ESCO2: variants seen among roughly 807,000 people sequenced by gnomAD.
The protein encoded by ESCO2 is N-acetyltransferase ESCO2.
In ESCO2, 51 loss-of-function variants were observed where a neutral mutation model predicts 61.7. The observed-to-expected ratio is 0.83, with a 90% confidence interval of 0.66 to 1.04. The LOEUF (loss-of-function observed/expected upper bound fraction) is 1.04. Ranked by LOEUF, ESCO2 falls within the 50% of genes least tolerant of loss-of-function variation. The probability of loss-of-function intolerance (pLI) is 0.00; values close to 1 mark genes in which losing one functional copy is unlikely to be tolerated. For missense variants in ESCO2, 692 were observed against 686.2 expected (o/e 1.01, Z -0.09); for synonymous variants, 230 against 238.2 (o/e 0.97, Z 0.32).
intron 7 of ESCO2, among the ~76,000 whole-genome samples, chr8:27,791,487 C>T (rs1585402848): frequency 1.3e-5 from 2 of 152,192 alleles, no homozygotes; most frequent in Admixed American, 1.3e-4. Context: ...CATGCCAAAG[C>T]ACTATGCTGG....
chr8:27,776,329 A>T, intron 2 of ESCO2, 33 bp from the exon 3 acceptor site: 1 of 1,560,848 alleles, frequency 6.4e-7, no homozygotes. Context: ...GACGCAAAAT[A>T]ATCTTATCAA....
chr8:27,801,781 T>C (rs1278455818), intron 10 of ESCO2, among the ~76,000 whole-genome samples: 1 of 152,066 alleles, frequency 6.6e-6, no homozygotes, highest in Non-Finnish European at 1.5e-5. Flanking sequence ...CCTTCCTGAA[T>C]TATTTTGTTA....
At chr8:27,803,242 G>A (rs1805489933) in intron 10 of ESCO2, 64 bp from the exon 11 acceptor site, 21 of 1,416,444 alleles carry the variant, frequency 1.5e-5, no homozygotes, top group Non-Finnish European at 2.1e-5. Context: ...TACTTAAATT[G>A]TGCTCATGTT....
intron 7 of ESCO2, among the ~76,000 whole-genome samples, chr8:27,789,403 A>T (rs1261255466): frequency 6.6e-6 from 1 of 152,170 alleles, no homozygotes; most frequent in African/African-American, 2.4e-5. Context: ...GCCACGGTTA[A>T]TGCCTTCACA....
At chr8:27,802,654 T>TA (rs1805471659) in intron 10 of ESCO2, among the ~76,000 whole-genome samples, 7 of 69,882 alleles carry the variant, frequency 1.0e-4, no homozygotes, top group African/African-American at 4.0e-4. Context: ...TATATATATA[T>TA]ATTATATATA....
At chr8:27,805,742 C>G (rs567012975), downstream of ESCO2, among the ~76,000 whole-genome samples, 5 of 152,246 alleles carry the variant, frequency 3.3e-5, no homozygotes, top group East Asian at 9.6e-4. Flanking sequence ...CCCTAAGTAG[C>G]TGGGACTACA....
At chr8:27,797,394 TC>T (rs1275710768) in intron 9 of ESCO2, among the ~76,000 whole-genome samples, 1 of 152,204 alleles carries the variant, frequency 6.6e-6, no homozygotes, top group African/African-American at 2.4e-5. Context: ...TGTAGGTACT[TC>T]CTGTTCTCTT....
At chr8:27,807,692 T>C (rs1023758119), downstream of ESCO2, among the ~76,000 whole-genome samples, 1 of 152,236 alleles carries the variant, frequency 6.6e-6, no homozygotes, top group Non-Finnish European at 1.5e-5. Flanking sequence ...AGGTTTGTTT[T>C]CTATTTCCTG....
At chr8:27,772,466 G>A (rs909680467), upstream of ESCO2, 3 of 1,542,782 alleles carry the variant, frequency 1.9e-6, no homozygotes, top group African/African-American at 4.1e-5. Flanking sequence ...TCCCGGCTTC[G>A]GAGCCCGCTG....
chr8:27,803,939 CTG>C lies in ESCO2; in HGVS notation c.*505_*506del, dbSNP rs374900624. 1,716 of 990,864 alleles carry C rather than the reference CTG, an allele frequency of 1.7e-3. 25 individuals carry two copies. The African/African-American group carries it at 0.028, about 16-fold the overall frequency. 61.4% of individuals were successfully genotyped at this position (990,864 alleles called of 1,614,324 possible). On this transcript the variant is annotated 3_prime_UTR_variant, in exon 11 of 11. Transcript: ENST00000305188. Reference sequence around the variant, plus strand: ...TTTTTTAATAGAGGCATGGGTCTCACTGTGTTGCCCAGGCTGGTCTGAAACTT... The same window carrying C: ...TTTTTTAATAGAGGCATGGGTCTCACTGTTGCCCAGGCTGGTCTGAAACTT...
intron 6 of ESCO2, 140 bp from the exon 7 acceptor site, chr8:27,788,707 C>A (rs1374404302): frequency 1.6e-5 from 16 of 1,013,122 alleles, no homozygotes; most frequent in Non-Finnish European, 2.4e-5. Flanking sequence ...ATATGGTAAC[C>A]AGATTTTCAT....
At chr8:27,773,307 T>A (rs995822588), upstream of ESCO2, among the ~76,000 whole-genome samples, 1 of 152,200 alleles carries the variant, frequency 6.6e-6, no homozygotes, top group Non-Finnish European at 1.5e-5. Context: ...CCCTATAGTT[T>A]AACAATGTCT....
intron 3 of ESCO2, chr8:27,777,473 A>G: frequency 4.7e-6 from 1 of 214,726 alleles, no homozygotes; most frequent in South Asian, 7.0e-5. Context: ...TAATTCTTGC[A>G]TTTTTTGTAG....
intron 9 of ESCO2, among the ~76,000 whole-genome samples, 164 bp downstream of exon 9, chr8:27,792,975 G>A (rs1323432003): frequency 6.6e-6 from 1 of 152,090 alleles, no homozygotes; most frequent in Non-Finnish European, 1.5e-5. Context: ...ATTAATATTT[G>A]GAATTTTGCT....
At chr8:27,800,263 A>G (rs535571020) in intron 10 of ESCO2, among the ~76,000 whole-genome samples, 2 of 152,370 alleles carry the variant, frequency 1.3e-5, no homozygotes, top group Non-Finnish European at 2.9e-5. Flanking sequence ...TCTAATACCC[A>G]TAAAATAATT....
intron 7 of ESCO2, 92 bp downstream of exon 7, chr8:27,789,070 T>A (rs1243098225): frequency 6.6e-7 from 1 of 1,511,416 alleles, no homozygotes; most frequent in African/African-American, 1.4e-5. Context: ...GCCGGAAAAG[T>A]TAACTTTTAA....
At chr8:27,818,861 T>G in the ESCO2 span, among the ~76,000 whole-genome samples, 23,896 of 152,050 alleles carry the variant, frequency 0.16, 2,387 homozygotes, top group East Asian at 0.37. Flanking sequence ...TTTTCTACTG[T>G]TACTTTTTCC....
chr8:27,812,136 C>T (rs1435803778), downstream of ESCO2: 3 of 152,136 alleles, frequency 2.0e-5, no homozygotes, highest in African/African-American at 7.2e-5. Context: ...GAGCAGGCAT[C>T]CTGGTCTTGT....
chr8:27,785,243 T>C (rs1249823355), intron 5 of ESCO2, among the ~76,000 whole-genome samples: 1 of 152,232 alleles, frequency 6.6e-6, no homozygotes, highest in Non-Finnish European at 1.5e-5. Context: ...AATCCATTCA[T>C]GAAGGTGGAG....
Sources: allele counts gnomAD v4.1 joint callset (sites outside exome capture counted in the v4.1 genomes callset), GRCh38; gene constraint gnomAD v4.1.1; transcripts MANE v1.5; gene names NCBI Gene and HGNC (gene_info 2026-07-23, HGNC 2026-07-21).